GRM7: variants seen among roughly 807,000 people sequenced by gnomAD.
GRM7 encodes glutamate metabotropic receptor 7, also known as metabotropic glutamate receptor 7.
A neutral mutation model predicts 84.5 loss-of-function variants in GRM7; 35 were observed. The observed-to-expected ratio is 0.41, with a 90% CI of 0.32 to 0.55. The LOEUF (loss-of-function observed/expected upper bound fraction) is 0.55. Ranked by LOEUF, GRM7 falls within the 20% of genes least tolerant of loss-of-function variation. The probability of loss-of-function intolerance (pLI) is 0.19; values close to 1 mark genes in which losing one functional copy is unlikely to be tolerated. For synonymous variants in GRM7, 487 were observed against 455.1 expected (o/e 1.07, Z -0.89); for missense variants, 1,003 against 1,194.6 (o/e 0.84, Z 2.36).
intron 1 of GRM7, among the ~76,000 whole-genome samples, chr3:7,050,616 C>A (rs1262033322): frequency 6.6e-6 from 1 of 151,628 alleles, no homozygotes; most frequent in African/African-American, 2.4e-5. Flanking sequence ...AGGTCACAAT[C>A]CTCAGAGCCA....
intron 1 of GRM7, among the ~76,000 whole-genome samples, chr3:6,895,419 C>A (rs900813413): frequency 6.6e-6 from 1 of 152,148 alleles, no homozygotes; most frequent in African/African-American, 2.4e-5. Context: ...TAATGACCAT[C>A]AGAATAACTG....
At chr3:7,571,047 A>G (rs1481422357) in intron 7 of GRM7, among the ~76,000 whole-genome samples, 2 of 152,116 alleles carry the variant, frequency 1.3e-5, no homozygotes, top group African/African-American at 4.8e-5. Context: ...ACCGCAGTGC[A>G]CCAATTTCCT....
At position 7,330,534 on chromosome 3, in the gene GRM7, G is replaced by A. The variant is rs1375034401; in HGVS notation, c.1033+23882G>A. Among the ~76,000 whole-genome samples, 4 of 152,128 alleles carry A rather than the reference G, an allele frequency of 2.6e-5. No individual in the cohort carries two copies. In the South Asian group the frequency reaches 8.3e-4, roughly 32 times the overall value. On this transcript the variant is annotated intron_variant, in intron 4 of 9. Coordinates refer to ENST00000357716, the MANE Select transcript of GRM7 (RefSeq NM_000844.4). ...TTCCCACATGTTGTGTGAGGGACCTGGTGGGAGATCATTGAATCATGGAGT... is the reference window on the plus strand; with the variant it reads ...TTCCCACATGTTGTGTGAGGGACCTAGTGGGAGATCATTGAATCATGGAGT...
chr3:7,099,370 A>G lies in GRM7; in HGVS notation c.520-47082A>G, dbSNP rs146782203. 2.1e-3 allele frequency among the ~76,000 whole-genome samples: 304 copies of G among 147,672 alleles called. 7 individuals carry two copies. In the East Asian group the frequency reaches 0.044, roughly 22 times the overall value. On this transcript the variant is annotated intron_variant, in intron 1 of 9. Coordinates refer to ENST00000357716, the MANE Select transcript of GRM7 (RefSeq NM_000844.4). ...TGTATATATGTACACATGTATACAT[A>G]TATACATATATAATATATACATTAT... is the stretch of plus-strand genomic sequence containing the variant.
intron 4 of GRM7, among the ~76,000 whole-genome samples, chr3:7,319,115 A>G (rs981036564): frequency 5.3e-5 from 8 of 152,090 alleles, no homozygotes; most frequent in Non-Finnish European, 1.0e-4. Context: ...CGTGTTTTAA[A>G]GGAACCCATG....
intron 2 of GRM7, among the ~76,000 whole-genome samples, chr3:7,284,370 CAAGAT>C (rs1322152025): frequency 1.3e-5 from 2 of 151,330 alleles, no homozygotes; most frequent in Non-Finnish European, 2.9e-5. Flanking sequence ...TACTAACAAT[CAAGAT>C]AAATAGATCA....
intron 5 of GRM7, among the ~76,000 whole-genome samples, chr3:7,438,703 T>C (rs1352935210): frequency 6.6e-6 from 1 of 152,084 alleles, no homozygotes; most frequent in Admixed American, 6.6e-5. Context: ...TGCCCTTCAG[T>C]CTTCTGCCTG....
intron 8 of GRM7, among the ~76,000 whole-genome samples, chr3:7,599,436 C>G (rs1160517114): frequency 1.3e-5 from 2 of 152,090 alleles, no homozygotes; most frequent in Non-Finnish European, 2.9e-5. Flanking sequence ...GCTTTAGTCC[C>G]TGTATCCCGA....
chr3:7,063,994 A>G (rs1697529392), intron 1 of GRM7, among the ~76,000 whole-genome samples: 1 of 151,696 alleles, frequency 6.6e-6, no homozygotes, highest in African/African-American at 2.4e-5. Context: ...GGATCTTCTG[A>G]TCCACACAGT....
chr3:7,198,408 T>G (rs767502476), intron 2 of GRM7, among the ~76,000 whole-genome samples: 3 of 152,186 alleles, frequency 2.0e-5, no homozygotes, highest in Non-Finnish European at 2.9e-5. Flanking sequence ...TCTAGGGTAC[T>G]GATAACCTTC....
intron 7 of GRM7, among the ~76,000 whole-genome samples, chr3:7,522,913 G>T (rs914162911): frequency 4.6e-5 from 7 of 152,098 alleles, no homozygotes; most frequent in African/African-American, 7.2e-5. Context: ...GAGAGGTAGT[G>T]CTCTGTCTTC....
intron 1 of GRM7, among the ~76,000 whole-genome samples, chr3:7,105,591 T>C (rs1699265536): frequency 6.6e-6 from 1 of 152,042 alleles, no homozygotes; most frequent in East Asian, 1.9e-4. Flanking sequence ...TTCCCTTTCT[T>C]ACTTATTTAA....
intron 5 of GRM7, among the ~76,000 whole-genome samples, chr3:7,450,950 G>GTCTC (rs5846512): frequency 0.7 from 105,409 of 151,468 alleles, 36,866 homozygotes; most frequent in Non-Finnish European, 0.73. Flanking sequence ...TTCTGGAAAA[G>GTCTC]TCAGTGAAGC....
At chr3:7,452,898 A>T (rs1697834920) in intron 6 of GRM7, 91 bp downstream of exon 6, 1 of 776,550 alleles carries the variant, frequency 1.3e-6, no homozygotes, top group African/African-American at 1.7e-5. Flanking sequence ...TTACTTTAAA[A>T]TATGTGTCAA....
chr3:7,202,539 T>C (rs752587388), intron 2 of GRM7, among the ~76,000 whole-genome samples: 2 of 152,070 alleles, frequency 1.3e-5, no homozygotes, highest in Non-Finnish European at 2.9e-5. Context: ...CCATGTTAGC[T>C]GGGCTGGTCT....
chr3:7,377,422 G>T (rs965806732), intron 4 of GRM7, among the ~76,000 whole-genome samples: 2 of 152,182 alleles, frequency 1.3e-5, no homozygotes, highest in African/African-American at 4.8e-5. Flanking sequence ...TTAAGTGAGA[G>T]CATTGTTCTT....
intron 3 of GRM7, among the ~76,000 whole-genome samples, chr3:7,305,925 C>G (rs1320420867): frequency 3.9e-5 from 6 of 152,088 alleles, no homozygotes; most frequent in Non-Finnish European, 7.4e-5. Context: ...TAGCTAGTTC[C>G]CTTTTTTCTT....
chr3:7,673,130 AC>A (rs1214672018), intron 8 of GRM7, among the ~76,000 whole-genome samples: 2 of 152,204 alleles, frequency 1.3e-5, no homozygotes, highest in African/African-American at 4.8e-5. Context: ...CTGTGTATTT[AC>A]AGAGACCATC....
At chr3:7,011,720 A>C (rs570420430) in intron 1 of GRM7, among the ~76,000 whole-genome samples, 1 of 152,324 alleles carries the variant, frequency 6.6e-6, no homozygotes, top group South Asian at 2.1e-4. Context: ...TGGGAACAGA[A>C]AGAGGCAGAG....
Sources: allele counts gnomAD v4.1 joint callset (sites outside exome capture counted in the v4.1 genomes callset), GRCh38; gene constraint gnomAD v4.1.1; transcripts MANE v1.5; gene names NCBI Gene and HGNC (gene_info 2026-07-23, HGNC 2026-07-21).